The following NCOA3 variants were observed in gnomAD, a reference collection of about 807,000 sequenced individuals.
The protein encoded by NCOA3 is CBP-interacting protein.
A neutral mutation model predicts 158.8 loss-of-function variants in NCOA3; 51 were observed. That is an observed-to-expected ratio of 0.32 (90% CI 0.26 to 0.41). NCOA3 has a LOEUF of 0.41. Among genes scored for constraint, NCOA3 ranks in the 10% least tolerant of loss-of-function variants. The pLI is 1.00. For synonymous variants in NCOA3, 537 were observed against 592.4 expected, an observed-to-expected ratio of 0.91 and a Z score of 1.36; for missense variants, 1,510 against 1,746.6, an observed-to-expected ratio of 0.86 and a Z score of 2.41.
intron 2 of NCOA3, among the ~76,000 whole-genome samples, chr20:47,592,659 A>C (rs968928386): frequency 1.3e-5 from 2 of 152,226 alleles, no homozygotes; most frequent in Non-Finnish European, 2.9e-5. Context: ...TTTTCTTTCC[A>C]TAATGCCATG....
intron 1 of NCOA3, among the ~76,000 whole-genome samples, chr20:47,570,765 AC>A (rs1185693510): frequency 2.0e-5 from 3 of 151,966 alleles, no homozygotes; most frequent in Non-Finnish European, 4.4e-5. Context: ...GGCAGCTGTA[AC>A]TTTATGAAAT....
chr20:47,512,801 C>T (rs1040198356), intron 1 of NCOA3, among the ~76,000 whole-genome samples: 1 of 152,116 alleles, frequency 6.6e-6, no homozygotes, highest in African/African-American at 2.4e-5. Flanking sequence ...TACGTGGATA[C>T]ATGGCTAGGA....
At chr20:47,590,843 C>A (rs2085621270) in intron 2 of NCOA3, among the ~76,000 whole-genome samples, 1 of 151,958 alleles carries the variant, frequency 6.6e-6, no homozygotes, top group Non-Finnish European at 1.5e-5. Flanking sequence ...GGCATGGTGG[C>A]TCATACCTGT....
intron 1 of NCOA3, among the ~76,000 whole-genome samples, chr20:47,551,923 C>A (rs138814579): frequency 0.021 from 3,191 of 152,166 alleles, 52 homozygotes; most frequent in Non-Finnish European, 0.032. Flanking sequence ...TTTAAAAAAA[C>A]TTTAATTTTA....
intron 9 of NCOA3, 176 bp from the exon 10 acceptor site, chr20:47,633,872 G>T (rs1389712685): frequency 1.2e-6 from 1 of 855,048 alleles, no homozygotes; most frequent in African/African-American, 1.7e-5. Flanking sequence ...GTTGGTGAGG[G>T]GTAGGAAAAT....
chr20:47,642,664 CT>C (rs1485441889), intron 17 of NCOA3, among the ~76,000 whole-genome samples: 9 of 152,132 alleles, frequency 5.9e-5, no homozygotes, highest in African/African-American at 2.2e-4. Flanking sequence ...CTGTACTGTT[CT>C]TAAAAATGTG....
intron 3 of NCOA3, among the ~76,000 whole-genome samples, chr20:47,623,251 T>C (rs2086270111): frequency 6.6e-6 from 1 of 152,212 alleles, no homozygotes; most frequent in Non-Finnish European, 1.5e-5. Context: ...TAAAACTTCA[T>C]CATTAATAAG....
intron 2 of NCOA3, among the ~76,000 whole-genome samples, chr20:47,616,800 T>C (rs1756818746): frequency 6.6e-6 from 1 of 152,172 alleles, no homozygotes; most frequent in Non-Finnish European, 1.5e-5. Flanking sequence ...CTTCAAAATA[T>C]GGATGCATCT....
intron 2 of NCOA3, among the ~76,000 whole-genome samples, chr20:47,598,375 G>A (rs2085799437): frequency 6.6e-6 from 1 of 151,556 alleles, no homozygotes; most frequent in South Asian, 2.1e-4. Context: ...TCGCTCTGTC[G>A]CTCAGGTTGG....
chr20:47,515,842 G>A (rs1283037321), intron 1 of NCOA3, among the ~76,000 whole-genome samples: 1 of 152,064 alleles, frequency 6.6e-6, no homozygotes, highest in African/African-American at 2.4e-5. Flanking sequence ...CCAGACAATG[G>A]CATATTATTC....
At chr20:47,582,660 C>T (rs2085471479) in intron 1 of NCOA3, among the ~76,000 whole-genome samples, 1 of 152,210 alleles carries the variant, frequency 6.6e-6, no homozygotes, top group Non-Finnish European at 1.5e-5. Context: ...AGCCACTGCG[C>T]CTGGCCCTAT....
chr20:47,644,800 C>T (rs1392753281), intron 17 of NCOA3, among the ~76,000 whole-genome samples: 2 of 152,048 alleles, frequency 1.3e-5, no homozygotes, highest in Non-Finnish European at 2.9e-5. Flanking sequence ...TGTGTTCAAG[C>T]GATTCTCCTG....
At chr20:47,607,438 C>T (rs1339510740) in intron 2 of NCOA3, among the ~76,000 whole-genome samples, 1 of 152,116 alleles carries the variant, frequency 6.6e-6, no homozygotes, top group Admixed American at 6.5e-5. Context: ...GTTTACCATG[C>T]TTTTCTTGGT....
At chr20:47,517,673 A>G (rs931673435) in intron 1 of NCOA3, among the ~76,000 whole-genome samples, 1 of 150,408 alleles carries the variant, frequency 6.6e-6, no homozygotes, top group African/African-American at 2.4e-5. Context: ...CTGTTCTCGA[A>G]CTCCTAACCT....
At chr20:47,525,567 C>T (rs1355719654) in intron 1 of NCOA3, among the ~76,000 whole-genome samples, 3 of 128,366 alleles carry the variant, frequency 2.3e-5, no homozygotes, top group Non-Finnish European at 4.9e-5. Flanking sequence ...GGGGGGCTGA[C>T]CCCCCCCACC....
chr20:47,613,514 T>A (rs1287525654), intron 2 of NCOA3, among the ~76,000 whole-genome samples: 9 of 148,188 alleles, frequency 6.1e-5, no homozygotes, highest in African/African-American at 1.7e-4. Flanking sequence ...AAAAAAGGAT[T>A]GTGTTATACT....
rs752596470 is a variant in NCOA3, at chr20:47,651,085, AGC to A, written c.3756_3757del (p.Gln1253AlafsTer32). ...GCTATGATGATGCAGCAGCAGCAGC[AGC>A]AGCAACAGCAGCAGCAGCAGCAGCA... On this transcript the variant is annotated frameshift_variant, in exon 20 of 23. Coordinates refer to ENST00000371998, the MANE Select transcript of NCOA3 (RefSeq NM_181659.3). LOFTEE classifies it high-confidence loss of function. 1.3e-6 allele frequency: 2 copies of A among 1,585,744 alleles called. No individual in the cohort carries two copies. Among genetic ancestry groups the A allele is most frequent in the Non-Finnish European group, 1.7e-6 (2 of 1,163,324 alleles).
chr20:47,532,110 T>TTTGTGTGTGTGTG (rs3221450), intron 1 of NCOA3, among the ~76,000 whole-genome samples: 17 of 147,512 alleles, frequency 1.2e-4, no homozygotes, highest in African/African-American at 4.1e-4. Context: ...AGGGGGGGAC[T>TTTGTGTGTGTGTG]TGTGTGTGTG....
intron 1 of NCOA3, among the ~76,000 whole-genome samples, chr20:47,549,989 G>A (rs2084903640): frequency 6.6e-6 from 1 of 152,148 alleles, no homozygotes; most frequent in Admixed American, 6.5e-5. Context: ...ACAGGCGTGA[G>A]CCACTGTGCT....
Sources: allele counts gnomAD v4.1 joint callset (sites outside exome capture counted in the v4.1 genomes callset), GRCh38; gene constraint gnomAD v4.1.1; transcripts MANE v1.5; gene names NCBI Gene and HGNC (gene_info 2026-07-23, HGNC 2026-07-21).